Variants in HMGCLL1 observed in about 807,000 individuals in gnomAD.
HMGCLL1 encodes 3-hydroxy-3-methylglutaryl-CoA lyase like 1.
In HMGCLL1, 36 loss-of-function variants were observed where a neutral mutation model predicts 39.1. The ratio of observed to expected loss-of-function variants is 0.92; its 90% CI spans 0.71 to 1.22. The LOEUF (loss-of-function observed/expected upper bound fraction) is 1.22, where lower values mean the gene tolerates loss of function less well. HMGCLL1 is among the 50% of genes most tolerant of loss of function. The pLI is 0.00. For synonymous variants in HMGCLL1, 149 were observed against 144.0 expected (o/e 1.03, Z -0.25); for missense variants, 451 against 416.5 (o/e 1.08, Z -0.72).
chr6:55,567,391 T>C (rs763808366), intron 1 of HMGCLL1, among the ~76,000 whole-genome samples: 1 of 151,336 alleles, frequency 6.6e-6, no homozygotes, highest in Non-Finnish European at 1.5e-5. Context: ...TTTATAGGTA[T>C]ACACACACAC....
At position 55,439,557 on chromosome 6, in the gene HMGCLL1, C is replaced by G; in HGVS notation, c.798G>C (p.Met266Ile). ...CTGCGGAGTCCACCACATTAATTCC[C>G]ATCTGGAAAACAAACCAAACCACCT... ...ALANILTALQ[M>I]GINVVDSAVS... The change falls in exon 8 of 9, where the codon ATG becomes ATC. Residue 266 changes from methionine (M) to isoleucine (I), a missense_variant and splice_region_variant. Transcript: ENST00000274901. The G allele has an allele frequency of 1.2e-6, 2 of 1,611,436 alleles. No homozygotes were observed. The highest frequency in any genetic ancestry group is 1.7e-6 in the Non-Finnish European group (2 of 1,178,376).
intron 1 of HMGCLL1, among the ~76,000 whole-genome samples, chr6:55,565,270 T>C (rs2127472863): frequency 6.6e-6 from 1 of 152,032 alleles, no homozygotes; most frequent in African/African-American, 2.4e-5. Context: ...ATATTGAAAG[T>C]GAGAATAACA....
chr6:55,670,485 G>A, the HMGCLL1 span, among the ~76,000 whole-genome samples: 1 of 151,694 alleles, frequency 6.6e-6, no homozygotes, highest in Admixed American at 6.6e-5. Flanking sequence ...AAATATATTC[G>A]ATGCTTGAAA....
chr6:55,583,135 T>C (rs147619109), upstream of HMGCLL1, among the ~76,000 whole-genome samples: 2 of 152,302 alleles, frequency 1.3e-5, no homozygotes, highest in East Asian at 3.9e-4. Flanking sequence ...ACAAACCAAA[T>C]TTGCATGCTT....
At chr6:55,658,762 T>C in the HMGCLL1 span, among the ~76,000 whole-genome samples, 1 of 151,960 alleles carries the variant, frequency 6.6e-6, no homozygotes, top group Non-Finnish European at 1.5e-5. Flanking sequence ...ACATGTTCTG[T>C]ATTTTCGTAG....
At chr6:55,475,662 C>G (rs892667502) in intron 7 of HMGCLL1, among the ~76,000 whole-genome samples, 3 of 151,562 alleles carry the variant, frequency 2.0e-5, no homozygotes, top group Non-Finnish European at 4.4e-5. Context: ...TGTAATATAG[C>G]CTGTTTATCA....
chr6:55,497,841 A>T (rs1268238306), intron 6 of HMGCLL1, among the ~76,000 whole-genome samples: 1 of 152,214 alleles, frequency 6.6e-6, no homozygotes, highest in Non-Finnish European at 1.5e-5. Context: ...CAAAATGCAA[A>T]GAACATTCCA....
At chr6:55,469,376 CATATATACACATATATACATATATATGT>C (rs775687841) in intron 7 of HMGCLL1, among the ~76,000 whole-genome samples, 2,178 of 146,126 alleles carry the variant, frequency 0.015, 32 homozygotes, top group Non-Finnish European at 0.025. Flanking sequence ...TGTACACATA[CATATATACACATATATACATATATATGT>C]ATATATACTT....
chr6:55,657,878 G>A, the HMGCLL1 span, among the ~76,000 whole-genome samples: 22,803 of 151,780 alleles, frequency 0.15, 2,033 homozygotes, highest in Non-Finnish European at 0.2. Flanking sequence ...GGACACATAG[G>A]GGGAACAAAA....
the HMGCLL1 span, among the ~76,000 whole-genome samples, chr6:55,609,725 T>C: frequency 2.2e-4 from 34 of 152,268 alleles, no homozygotes; most frequent in African/African-American, 7.2e-4. Context: ...TCCAACTGCA[T>C]GAGAACCCCC....
At chr6:55,535,024 G>T (rs1768932462) in intron 3 of HMGCLL1, among the ~76,000 whole-genome samples, 2 of 152,158 alleles carry the variant, frequency 1.3e-5, no homozygotes, top group Non-Finnish European at 2.9e-5. Context: ...GTGTATGCTT[G>T]TTCTCAATTT....
chr6:55,504,015 AC>A (rs1234262374), intron 5 of HMGCLL1, among the ~76,000 whole-genome samples: 3 of 151,892 alleles, frequency 2.0e-5, no homozygotes, highest in Non-Finnish European at 4.4e-5. Flanking sequence ...GGATTTGATT[AC>A]ATATTTTTCC....
intron 7 of HMGCLL1, among the ~76,000 whole-genome samples, chr6:55,454,868 G>A (rs1207882115): frequency 8.5e-5 from 13 of 152,114 alleles, no homozygotes; most frequent in African/African-American, 3.1e-4. Flanking sequence ...CATCTATTTG[G>A]GGGGTAAACT....
intron 1 of HMGCLL1, among the ~76,000 whole-genome samples, chr6:55,574,435 A>G (rs908080483): frequency 3.9e-5 from 6 of 151,902 alleles, no homozygotes; most frequent in Non-Finnish European, 8.8e-5. Flanking sequence ...TGCATTTTTA[A>G]TAAGTTGTAA....
chr6:55,450,251 C>T (rs1330080098), intron 7 of HMGCLL1, among the ~76,000 whole-genome samples: 1 of 152,146 alleles, frequency 6.6e-6, no homozygotes, highest in Non-Finnish European at 1.5e-5. Context: ...GGATTTATGC[C>T]ATTGACAAAT....
At chr6:55,457,068 T>TTCCTA (rs1386523499) in intron 7 of HMGCLL1, among the ~76,000 whole-genome samples, 7 of 152,220 alleles carry the variant, frequency 4.6e-5, no homozygotes, top group Non-Finnish European at 1.0e-4. Flanking sequence ...ACTTTTCCTT[T>TTCCTA]CACCTGTGTT....
At chr6:55,474,615 C>T (rs1765204676) in intron 7 of HMGCLL1, among the ~76,000 whole-genome samples, 1 of 151,514 alleles carries the variant, frequency 6.6e-6, no homozygotes, top group Non-Finnish European at 1.5e-5. Context: ...TGTGTCATAT[C>T]TGAGTCTGAT....
chr6:55,512,360 A>G (rs1767508724), intron 5 of HMGCLL1: 1 of 152,094 alleles, frequency 6.6e-6, no homozygotes, highest in African/African-American at 2.4e-5. Flanking sequence ...TTTTAAAGAA[A>G]ATTGAGACAA....
rs568207956 is a variant in HMGCLL1, at chr6:55,516,454, T to C, written c.393+54A>G. On this transcript the variant is annotated intron_variant, in intron 4 of 8. Coordinates refer to ENST00000274901, the MANE Select transcript of HMGCLL1 (RefSeq NM_001042406.2). ...TGACACAATTTTAACTTTGTAAATA[T>C]CTTTAAAACGATAAGAGGCCTATCA... 142 of 1,143,172 alleles carry C rather than the reference T, an allele frequency of 1.2e-4. 1 individual carries two copies. The highest frequency in any genetic ancestry group is 1.2e-3 in the Middle Eastern group (6 of 5,002). The allele number at this position is 1,143,172 out of a possible 1,614,324, so 70.8% of individuals were successfully genotyped here. A position where few individuals can be genotyped will look rare whatever the true frequency, so the allele number is the denominator to read the frequency against.
Sources: gnomAD v4.1 joint callset for allele counts (sites outside exome capture counted in the v4.1 genomes callset) on GRCh38, gnomAD v4.1.1 for gene constraint, MANE v1.5 for transcripts, NCBI Gene and HGNC (gene_info 2026-07-23, HGNC 2026-07-21) for gene names.